The following PYGB variants were observed in gnomAD, a reference collection of about 807,000 sequenced individuals.
PYGB encodes the protein glycogen phosphorylase, brain form.
PYGB carries 82 observed loss-of-function variants against 94.3 expected under a neutral mutation model. The observed-to-expected ratio is 0.87, with a 90% CI of 0.73 to 1.04. The LOEUF (loss-of-function observed/expected upper bound fraction) is 1.04, where lower values mean the gene tolerates loss of function less well. Ranked by LOEUF, PYGB falls within the 50% of genes least tolerant of loss-of-function variation. The pLI, the probability that PYGB is intolerant of heterozygous loss-of-function variation, is 0.00. For missense variants in PYGB, 1,132 were observed against 1,158.2 expected (o/e 0.98, Z 0.33); for synonymous variants, 488 against 479.1 (o/e 1.02, Z -0.24).
intron 3 of PYGB, among the ~76,000 whole-genome samples, chr20:25,269,862 G>T (rs973279160): frequency 1.8e-4 from 27 of 152,190 alleles, no homozygotes; most frequent in African/African-American, 6.5e-4. Flanking sequence ...TCCTTTTGGG[G>T]TGTTCCAGGT....
At chr20:25,277,121 C>T in intron 6 of PYGB, 123 bp from the exon 7 acceptor site, 1 of 727,040 alleles carries the variant, frequency 1.4e-6, no homozygotes, top group South Asian at 1.7e-5. Flanking sequence ...GGAAGTAATG[C>T]AGCGGCTGGG....
Position 25,297,667 on chromosome 20 carries a change from G to A in PYGB, c.*1145G>A, listed in dbSNP as rs967991026. On this transcript the variant is annotated 3_prime_UTR_variant, in exon 20 of 20. Coordinates refer to ENST00000216962, the MANE Select transcript of PYGB (RefSeq NM_002862.4). ...CCCATTGCCCAAGAGAGAGGGCAGG[G>A]AACAGGCTACTGTCCTTCCCTGTGG... 1 of 152,278 alleles carries A rather than the reference G, an allele frequency of 6.6e-6. No homozygotes were observed. The highest frequency in any genetic ancestry group is 1.5e-5 in the Non-Finnish European group (1 of 68,078). 9.4% of individuals were successfully genotyped at this position (152,278 alleles called of 1,614,324 possible).
intron 18 of PYGB, chr20:25,294,869 C>A: frequency 7.5e-7 from 1 of 1,338,504 alleles, no homozygotes; most frequent in East Asian, 2.3e-5. Flanking sequence ...AAGTTGAATC[C>A]GGCGAGGGCT....
At chr20:25,265,356 CAA>C (rs1568686397) in intron 2 of PYGB, among the ~76,000 whole-genome samples, 1 of 152,142 alleles carries the variant, frequency 6.6e-6, no homozygotes, top group East Asian at 1.9e-4. Context: ...CAAAAGGACA[CAA>C]GAGTTCCAGT....
At chr20:25,279,205 A>G in intron 9 of PYGB, 56 bp downstream of exon 9, 2 of 1,543,572 alleles carry the variant, frequency 1.3e-6, no homozygotes, top group South Asian at 2.3e-5. Flanking sequence ...CGTGCAGACC[A>G]GGGCTACAAG....
At position 25,248,326 on chromosome 20, in the gene PYGB, C is replaced by T. The variant is rs2092876698; in HGVS notation, c.148C>T (p.Arg50Cys). ...LVKDRNVATP[R>C]DYFFALAHTV... ...CAAGGACCGCAATGTGGCCACGCCC[C>T]GCGACTACTTCTTCGCGCTGGCGCA... Residue 50 changes from arginine to cysteine, a missense_variant, in exon 1 of 20, where the codon CGC (arginine) becomes TGC (cysteine). By Grantham distance (180) the Arg-to-Cys change is radical (BLOSUM62 -3). Transcript: ENST00000216962. 6.2e-7 allele frequency: 1 copy of T among 1,604,086 alleles called. No individual in the cohort carries two copies. Among genetic ancestry groups the T allele is most frequent in the African/African-American group, 1.3e-5 (1 of 74,114 alleles).
intron 5 of PYGB, among the ~76,000 whole-genome samples, chr20:25,275,309 C>T (rs2088301315): frequency 6.6e-6 from 1 of 152,212 alleles, no homozygotes; most frequent in Non-Finnish European, 1.5e-5. Context: ...TGCTCGGCAG[C>T]GACGGGTGCC....
chr20:25,250,332 C>A (rs1359140168), intron 1 of PYGB, among the ~76,000 whole-genome samples: 1 of 152,058 alleles, frequency 6.6e-6, no homozygotes, highest in African/African-American at 2.4e-5. Context: ...ACGGAAATGA[C>A]CTTCATGAAC....
At chr20:25,294,132 C>A in intron 17 of PYGB, 26 bp from the exon 18 acceptor site, 1 of 1,611,004 alleles carries the variant, frequency 6.2e-7, no homozygotes, top group Non-Finnish European at 8.5e-7. Context: ...GCGCTGGCTG[C>A]TGACTCCTGG....
chr20:25,294,787 C>CAT (rs1429560859), intron 18 of PYGB: 10 of 699,120 alleles, frequency 1.4e-5, no homozygotes, highest in Admixed American at 1.2e-4. Flanking sequence ...GCAGTTAGCA[C>CAT]ATGGTATGGT....
At chr20:25,265,712 A>T (rs1233040133) in intron 2 of PYGB, among the ~76,000 whole-genome samples, 1 of 149,912 alleles carries the variant, frequency 6.7e-6, no homozygotes, top group Non-Finnish European at 1.5e-5. Context: ...CTCTTACCTC[A>T]GTCTCCCGAG....
intron 19 of PYGB, 151 bp downstream of exon 19, chr20:25,295,821 GC>G: frequency 1.2e-6 from 1 of 858,918 alleles, no homozygotes; most frequent in Non-Finnish European, 1.9e-6. Flanking sequence ...GGCTGTGCCT[GC>G]CTTTAGGGAA....
chr20:25,285,369 C>G (rs1274969184), intron 14 of PYGB: 1 of 152,174 alleles, frequency 6.6e-6, no homozygotes, highest in African/African-American at 2.4e-5. Flanking sequence ...GTGAGACTCG[C>G]GGGTCACCCC....
intron 1 of PYGB, among the ~76,000 whole-genome samples, chr20:25,253,032 C>A (rs1369965642): frequency 6.6e-6 from 1 of 152,230 alleles, no homozygotes. Flanking sequence ...ACACTTCTTT[C>A]ATTTTTATTG....
At chr20:25,281,301 G>A (rs1329192949) in intron 11 of PYGB, among the ~76,000 whole-genome samples, 189 bp downstream of exon 11, 8 of 152,328 alleles carry the variant, frequency 5.3e-5, no homozygotes, top group Middle Eastern at 6.8e-3. Flanking sequence ...TGCGTTCACC[G>A]ACCAGCACAC....
intron 10 of PYGB, among the ~76,000 whole-genome samples, 187 bp from the exon 11 acceptor site, chr20:25,280,762 A>G (rs1336528743): frequency 6.6e-6 from 1 of 152,082 alleles, no homozygotes; most frequent in African/African-American, 2.4e-5. Flanking sequence ...CTCTTGTGAG[A>G]TGCCTTGGAG....
intron 2 of PYGB, among the ~76,000 whole-genome samples, chr20:25,261,837 A>G (rs182602974): frequency 3.3e-5 from 5 of 152,354 alleles, no homozygotes; most frequent in Non-Finnish European, 5.9e-5. Context: ...ATGCATGCAC[A>G]AGCTTCAGTA....
chr20:25,275,594 G>A (rs1024377345), intron 5 of PYGB, among the ~76,000 whole-genome samples: 2 of 152,276 alleles, frequency 1.3e-5, no homozygotes, highest in African/African-American at 4.8e-5. Flanking sequence ...CCATGCCATG[G>A]AGGCTGAAAA....
intron 7 of PYGB, 92 bp downstream of exon 7, chr20:25,277,418 G>A: frequency 1.6e-6 from 2 of 1,273,972 alleles, no homozygotes; most frequent in Admixed American, 2.0e-5. Context: ...AGTGGGGCCT[G>A]CTGTTGGCCT....
Sources: allele counts gnomAD v4.1 joint callset (sites outside exome capture counted in the v4.1 genomes callset), GRCh38; gene constraint gnomAD v4.1.1; transcripts MANE v1.5; gene names NCBI Gene and HGNC (gene_info 2026-07-23, HGNC 2026-07-21).